Variants in FBXL4 observed in about 807,000 individuals in gnomAD.
The protein encoded by FBXL4 is F-box and leucine rich repeat protein 4.
A neutral mutation model predicts 58.9 loss-of-function variants in FBXL4; 40 were observed. The observed-to-expected ratio is 0.68, with a 90% confidence interval of 0.53 to 0.88. FBXL4 has a LOEUF of 0.88. Among genes scored for constraint, FBXL4 ranks in the 40% least tolerant of loss-of-function variants. The pLI is 0.00. For missense variants in FBXL4, 676 were observed against 734.4 expected (o/e 0.92, Z 0.92); for synonymous variants, 263 against 265.5 (o/e 0.99, Z 0.09).
intron 7 of FBXL4, among the ~76,000 whole-genome samples, chr6:98,894,701 T>C (rs1771352753): frequency 6.6e-6 from 1 of 152,220 alleles, no homozygotes; most frequent in Non-Finnish European, 1.5e-5. Flanking sequence ...TTTAATGCTC[T>C]GAGTCTAATG....
intron 2 of FBXL4, among the ~76,000 whole-genome samples, chr6:98,934,023 C>G (rs1773108492): frequency 6.6e-6 from 1 of 151,944 alleles, no homozygotes; most frequent in Non-Finnish European, 1.5e-5. Context: ...TTTTACTGTT[C>G]AAAGAGAATG....
At chr6:98,902,400 G>T (rs1488239146) in intron 6 of FBXL4, among the ~76,000 whole-genome samples, 1 of 152,052 alleles carries the variant, frequency 6.6e-6, no homozygotes, top group Non-Finnish European at 1.5e-5. Flanking sequence ...GAAGGGAAAA[G>T]AACACCTTAA....
chr6:98,892,867 TA>T (rs1771276753), intron 7 of FBXL4, among the ~76,000 whole-genome samples: 2 of 152,234 alleles, frequency 1.3e-5, no homozygotes, highest in Non-Finnish European at 2.9e-5. Context: ...TACTGTCATA[TA>T]CTAGTCCCCC....
In FBXL4 at chr6:98,872,573, T is replaced by C. The variant is rs553246882; in HGVS notation, c.*1705A>G. Reference sequence around the variant, plus strand: ...TTGTTCTAAATTATTGTTTTGAATTTTGTCAATAAAATTTTCGTGCAAATT... The same window carrying C: ...TTGTTCTAAATTATTGTTTTGAATTCTGTCAATAAAATTTTCGTGCAAATT... On this transcript the variant is annotated 3_prime_UTR_variant, in exon 10 of 10. Coordinates refer to ENST00000369244, the MANE Select transcript of FBXL4 (RefSeq NM_001278716.2). 1 of 152,320 alleles carries C rather than the reference T, an allele frequency of 6.6e-6. No individual in the cohort carries two copies. Among genetic ancestry groups the C allele is most frequent in the African/African-American group, 2.4e-5 (1 of 41,580 alleles). 9.4% of individuals were successfully genotyped at this position (152,320 alleles called of 1,614,324 possible).
At chr6:98,912,415 G>A (rs1386748406) in intron 5 of FBXL4, among the ~76,000 whole-genome samples, 1 of 152,124 alleles carries the variant, frequency 6.6e-6, no homozygotes, top group Non-Finnish European at 1.5e-5. Flanking sequence ...AATGTTAAGG[G>A]CAGCCAGAGA....
chr6:98,890,394 A>C (rs914462685), intron 7 of FBXL4, among the ~76,000 whole-genome samples: 14 of 152,232 alleles, frequency 9.2e-5, no homozygotes, highest in African/African-American at 3.1e-4. Context: ...ACTACATTTC[A>C]AACACATCAG....
At chr6:98,929,250 T>C (rs144483420) in intron 2 of FBXL4, among the ~76,000 whole-genome samples, 1,995 of 152,152 alleles carry the variant, frequency 0.013, 35 homozygotes, top group African/African-American at 0.046. Context: ...TTGAAAGAAG[T>C]GCAGAGAATC....
At chr6:98,934,283 C>G (rs1156974418) in intron 2 of FBXL4, among the ~76,000 whole-genome samples, 1 of 151,924 alleles carries the variant, frequency 6.6e-6, no homozygotes, top group Non-Finnish European at 1.5e-5. Flanking sequence ...AAGAGATAAC[C>G]TACAAGTTAA....
At chr6:98,888,089 G>A (rs1314568379) in intron 7 of FBXL4, among the ~76,000 whole-genome samples, 4 of 152,168 alleles carry the variant, frequency 2.6e-5, no homozygotes, top group African/African-American at 7.2e-5. Context: ...AATAAACTAC[G>A]GAGAAATTAA....
At chr6:98,910,937 T>A (rs1404753696) in intron 5 of FBXL4, among the ~76,000 whole-genome samples, 1 of 151,922 alleles carries the variant, frequency 6.6e-6, no homozygotes, top group Non-Finnish European at 1.5e-5. Flanking sequence ...AGGAAAGGGG[T>A]GACAGATGGC....
At chr6:98,898,550 A>G (rs1771487947) in intron 7 of FBXL4, 1 of 888,760 alleles carries the variant, frequency 1.1e-6, no homozygotes, top group South Asian at 5.2e-5. Context: ...GGTTTCAGTG[A>G]GCTGAGACCA....
At chr6:98,908,529 T>C (rs184991876) in intron 5 of FBXL4, among the ~76,000 whole-genome samples, 67 of 152,294 alleles carry the variant, frequency 4.4e-4, no homozygotes, top group African/African-American at 1.5e-3. Flanking sequence ...TATATCCTTA[T>C]AGTAAATTAC....
rs373797573 is a variant in FBXL4 at position 98,899,503 on chromosome 6, T to C, written c.1104-22A>G. 3.8e-5 allele frequency: 61 copies of C among 1,600,038 alleles called. No homozygotes were observed. The African/African-American group carries it at 8.1e-4, about 21-fold the overall frequency. Reference sequence around the variant, plus strand: ...AAACCTGCCAAAACAACATTCTATGTGAATTTTATAAAACTAAAAGATATT... The same window carrying C: ...AAACCTGCCAAAACAACATTCTATGCGAATTTTATAAAACTAAAAGATATT... On this transcript the variant is annotated intron_variant, in intron 6 of 9. Coordinates refer to ENST00000369244, the MANE Select transcript of FBXL4 (RefSeq NM_001278716.2).
intron 5 of FBXL4, among the ~76,000 whole-genome samples, chr6:98,913,141 T>C (rs939658949): frequency 3.3e-5 from 5 of 152,138 alleles, no homozygotes; most frequent in Non-Finnish European, 7.3e-5. Context: ...CCTAAATATA[T>C]ATGCATCCAA....
At position 98,926,876 on chromosome 6, in the gene FBXL4, A is replaced by G; in HGVS notation, c.113T>C (p.Ile38Thr). 2 of 1,614,156 alleles carry G rather than the reference A, an allele frequency of 1.2e-6. No individual in the cohort carries two copies. The highest frequency in any genetic ancestry group is 1.7e-6 in the Non-Finnish European group (2 of 1,180,020). The change falls in exon 4 of 10, where the codon ATA becomes ACA. Residue 38 changes from isoleucine (I) to threonine (T), a missense_variant. Physicochemically the swap from Ile to Thr is moderately conservative, Grantham distance 89 (BLOSUM62 -1). Transcript: ENST00000369244. ...AGGGGAAGTCTGGCTGTTTGATTCT[A>G]TAGCTCTATGGGTGTTCATCATTTC... ...RGEMMNTHRA[I>T]ESNSQTSPLN...
chr6:98,934,499 A>G (rs531091422), intron 2 of FBXL4, among the ~76,000 whole-genome samples: 1 of 152,310 alleles, frequency 6.6e-6, no homozygotes, highest in East Asian at 1.9e-4. Context: ...ATGTGATATA[A>G]AGGAGCAAAG....
chr6:98,911,770 G>A (rs954769590), intron 5 of FBXL4, among the ~76,000 whole-genome samples: 21 of 152,140 alleles, frequency 1.4e-4, no homozygotes, highest in South Asian at 2.1e-4. Context: ...AAAGCAGAGC[G>A]CCTCTCCTCC....
chr6:98,909,797 T>C (rs570642696), intron 5 of FBXL4, among the ~76,000 whole-genome samples: 2 of 152,206 alleles, frequency 1.3e-5, no homozygotes, highest in East Asian at 1.9e-4. Context: ...GCCAGTTTTG[T>C]CCAATCTGTG....
chr6:98,888,970 A>G (rs1296183167), intron 7 of FBXL4, among the ~76,000 whole-genome samples: 6 of 152,250 alleles, frequency 3.9e-5, no homozygotes, highest in South Asian at 2.1e-4. Flanking sequence ...TTCGCCACAC[A>G]TAAGAAGCAT....
Sources: allele counts gnomAD v4.1 joint callset (sites outside exome capture counted in the v4.1 genomes callset), GRCh38; gene constraint gnomAD v4.1.1; transcripts MANE v1.5; gene names NCBI Gene and HGNC (gene_info 2026-07-23, HGNC 2026-07-21).